Variants in EML3 observed in about 807,000 individuals in gnomAD.
EML3 encodes the protein EMAP like 3.
EML3 carries 53 observed loss-of-function variants against 106.7 expected under a neutral mutation model. The ratio of observed to expected loss-of-function variants is 0.50; its 90% CI spans 0.40 to 0.62. The LOEUF is 0.62. Ranked by LOEUF, EML3 falls within the 20% of genes least tolerant of loss-of-function variation. EML3 has a pLI of 0.00. For missense variants in EML3, 994 were observed against 1,209.1 expected, an observed-to-expected ratio of 0.82 and a Z score of 2.64; for synonymous variants, 499 against 489.6, an observed-to-expected ratio of 1.02 and a Z score of -0.25.
At position 62,605,091 on chromosome 11, in the gene EML3, G is replaced by A; in HGVS notation, c.1982+22C>T. The A allele has an allele frequency of 1.2e-6, 2 of 1,605,878 alleles. No individual in the cohort carries two copies. Among genetic ancestry groups the A allele is most frequent in the Middle Eastern group, 1.7e-4 (1 of 6,014 alleles). On this transcript the variant is annotated intron_variant, in intron 16 of 21. Coordinates refer to ENST00000394773, the MANE Select transcript of EML3 (RefSeq NM_153265.3). The surrounding 1 kb of genome is among the most constrained non-coding windows in gnomAD (Gnocchi z 5.2). Reference sequence around the variant, plus strand: ...CCCAGTCCTCCCTGCTTTCCCTCCTGGGAGTCCTGGCTCTCTCTCACCTCC... The same window carrying A: ...CCCAGTCCTCCCTGCTTTCCCTCCTAGGAGTCCTGGCTCTCTCTCACCTCC...
Position 62,611,356 on chromosome 11 carries a change from A to G in EML3, c.195-12T>C. ...GGGGGGCTGCAAGACTGCTGGAGAG[A>G]TGTTGAATTAACCTGAAGCCCCAGA... On this transcript the variant is annotated splice_polypyrimidine_tract_variant and intron_variant, in intron 2 of 21. Transcript: ENST00000394773. 1 of 1,613,182 alleles carries G rather than the reference A, an allele frequency of 6.2e-7. No individual in the cohort carries two copies.
At position 62,608,419 on chromosome 11, in the gene EML3, T is replaced by C. The variant is rs1590753997; in HGVS notation, c.1110+123A>G. The C allele has an allele frequency of 3.3e-5, 44 of 1,340,958 alleles. 1 individual carries two copies. In the South Asian group the frequency reaches 5.0e-4, roughly 15 times the overall value. 83.1% of individuals were successfully genotyped at this position (1,340,958 alleles called of 1,614,324 possible). ...CAGAAAAAGTTGACACACATGGCCC[T>C]TTCTCAAGAGAACCAGCTGGGTGGG... On this transcript the variant is annotated intron_variant, in intron 9 of 21. Transcript: ENST00000394773.
chr11:62,603,643 TTATC>T (rs1330081404), intron 19 of EML3, 82 bp downstream of exon 19: 2 of 1,171,544 alleles, frequency 1.7e-6, no homozygotes, highest in Non-Finnish European at 2.5e-6. Flanking sequence ...CTCCACTTCC[TTATC>T]TAACAACACC....
intron 10 of EML3, 45 bp downstream of exon 10, chr11:62,608,156 C>T: frequency 6.3e-7 from 1 of 1,581,710 alleles, no homozygotes; most frequent in East Asian, 2.2e-5. Flanking sequence ...TCCACCACTC[C>T]CACCCCCAAC....
Position 62,604,167 on chromosome 11 carries a change from C to CGAT in EML3, c.2014_2016dup (p.Ile672dup), listed in dbSNP as rs776574163. ...TCATTGCCATCAATGACATCAGACA[C>CGAT]GATCTCTCTGGTCTCTGTGTCCAAA... On this transcript the variant is annotated inframe_insertion, in exon 17 of 22. Transcript: ENST00000394773. 1 of 1,613,834 alleles carries CGAT rather than the reference C, an allele frequency of 6.2e-7. No individual in the cohort carries two copies. The highest frequency in any genetic ancestry group is 1.1e-5 in the South Asian group (1 of 91,044).
chr11:62,612,670 G>C lies in EML3; in HGVS notation c.-213C>G. On this transcript the variant is annotated 5_prime_UTR_variant, in exon 1 of 22. Coordinates refer to ENST00000394773, the MANE Select transcript of EML3 (RefSeq NM_153265.3). ...GTCTCCAGACCCCCCCGGGCCCTCG[G>C]ACTCTCCCGGGGCCGCTCTCGGCTC... 2.5e-6 allele frequency: 1 copy of C among 401,246 alleles called. No homozygotes were observed. Among genetic ancestry groups the C allele is most frequent in the East Asian group, 4.0e-5 (1 of 24,976 alleles). 24.9% of individuals were successfully genotyped at this position (401,246 alleles called of 1,614,324 possible). A position where few individuals can be genotyped will look rare whatever the true frequency, so the allele number is the denominator to read the frequency against.
chr11:62,610,321 T>C (rs1565065136), intron 4 of EML3, among the ~76,000 whole-genome samples: 1 of 152,160 alleles, frequency 6.6e-6, no homozygotes, highest in South Asian at 2.1e-4. Flanking sequence ...AGAATGAACA[T>C]CCGGGTGTCC....
intron 8 of EML3, 42 bp from the exon 9 acceptor site, chr11:62,608,694 G>A (rs770703099): frequency 6.2e-7 from 1 of 1,613,956 alleles, no homozygotes; most frequent in Non-Finnish European, 8.5e-7. Context: ...AAATTGGAGT[G>A]CAATTCCAGC....
chr11:62,603,367 C>A, intron 19 of EML3, 120 bp from the exon 20 acceptor site: 2 of 903,458 alleles, frequency 2.2e-6, no homozygotes, highest in South Asian at 1.5e-5. Flanking sequence ...ATCTGGTCAC[C>A]GTAGTAGCAT....
intron 16 of EML3, chr11:62,604,858 G>GT (rs1428303552): frequency 2.4e-5 from 8 of 328,946 alleles, no homozygotes; most frequent in Non-Finnish European, 4.5e-5. Flanking sequence ...CATTCCCACT[G>GT]TTTCTCTATC....
Position 62,609,001 on chromosome 11 carries a change from C to T in EML3, c.890G>A (p.Gly297Asp), listed in dbSNP as rs1336103532. ...TGTGTGCCCCCGGTAATGTCTCTGGCCGCCACCTCCAGGACCCCCTGGGCC... is the reference window on the plus strand; with the variant it reads ...TGTGTGCCCCCGGTAATGTCTCTGGTCGCCACCTCCAGGACCCCCTGGGCC... ...GGGPGGPGGG[G>D]QRHYRGHTDC... The change falls in exon 7 of 22, where the codon GGC (glycine) becomes GAC (aspartate). Residue 297 changes from glycine to aspartate, a missense_variant. By Grantham distance (94) the Gly-to-Asp change is moderately conservative (BLOSUM62 -1). Coordinates refer to ENST00000394773, the MANE Select transcript of EML3 (RefSeq NM_153265.3). 1 of 1,613,966 alleles carries T rather than the reference C, an allele frequency of 6.2e-7. No homozygotes were observed. Among genetic ancestry groups the T allele is most frequent in the Non-Finnish European group, 8.5e-7 (1 of 1,180,014 alleles).
At chr11:62,604,062 A>C (rs763537307) in intron 17 of EML3, 21 bp from the exon 18 acceptor site, 1 of 1,614,074 alleles carries the variant, frequency 6.2e-7, no homozygotes, top group Non-Finnish European at 8.5e-7. Context: ...AGTCACTCAG[A>C]GAGGGAAGGG....
chr11:62,608,050 T>C (rs1814509360), intron 10 of EML3, 151 bp downstream of exon 10: 2 of 857,768 alleles, frequency 2.3e-6, no homozygotes, highest in South Asian at 1.6e-5. Context: ...ATGTCACAAA[T>C]GAAGAAACTA....
Position 62,602,350 on chromosome 11 carries a change from C to T in EML3, c.*125G>A. The T allele has an allele frequency of 6.5e-7, 1 of 1,550,086 alleles. No individual in the cohort carries two copies. The highest frequency in any genetic ancestry group is 8.7e-7 in the Non-Finnish European group (1 of 1,146,190). ...CGTTCGCGCCCTCCAGGAAAATGCG[C>T]GATCGGGAATGTCTCGAAGTCAGTC... On this transcript the variant is annotated 3_prime_UTR_variant, in exon 22 of 22. Transcript: ENST00000394773.
chr11:62,611,540 C>G lies in EML3; in HGVS notation c.79G>C (p.Glu27Gln). The G allele has an allele frequency of 6.2e-7, 1 of 1,613,768 alleles. No homozygotes were observed. Among genetic ancestry groups the G allele is most frequent in the Non-Finnish European group, 8.5e-7 (1 of 1,179,974 alleles). The change falls in exon 2 of 22, where the codon GAG becomes CAG. Residue 27 changes from glutamate (E) to glutamine (Q), a missense_variant. By Grantham distance (29) the Glu-to-Gln change is conservative. Coordinates refer to ENST00000394773, the MANE Select transcript of EML3 (RefSeq NM_153265.3). Reference sequence around the variant, plus strand: ...GCCTTTACCAGTTCCATCTCCTGCTCCTGCACCCGAAGCCGCTGGCTCAGA... The same window carrying G: ...GCCTTTACCAGTTCCATCTCCTGCTGCTGCACCCGAAGCCGCTGGCTCAGA... The part of the protein sequence containing the change: ...QSLSQRLRVQ[E>Q]QEMELVKAAL...
Position 62,603,963 on chromosome 11 carries a change from CTGGA to C in EML3, c.2146_2149del (p.Ser716AlafsTer46). ...CCTCACCATACAGCGGCCAAAGCGG[CTGGA>C]TTTGGCACCATCACTGGAAACACTA... is the stretch of plus-strand genomic sequence containing the variant. On this transcript the variant is annotated frameshift_variant, in exon 18 of 22. Transcript: ENST00000394773. LOFTEE classifies it high-confidence loss of function. 6.2e-7 allele frequency: 1 copy of C among 1,614,112 alleles called. No homozygotes were observed. The highest frequency in any genetic ancestry group is 8.5e-7 in the Non-Finnish European group (1 of 1,180,028).
At chr11:62,608,356 G>A (rs78222742) in intron 9 of EML3, 60 bp from the exon 10 acceptor site, 145,410 of 1,510,906 alleles carry the variant, frequency 0.096, 8,245 homozygotes, top group Non-Finnish European at 0.12. Flanking sequence ...GGGGTTCATG[G>A]TCATTAGGTT....
rs1942464021 is a variant in EML3 at position 62,605,554 on chromosome 11, G to C, written c.1914+88C>G. On this transcript the variant is annotated intron_variant, in intron 15 of 21. Transcript: ENST00000394773. This position sits in a 1 kb window ranked among gnomAD's most constrained non-coding sequence, Gnocchi z 5.2. ...CAGTACAAACTGGCCACCTCTGGGA[G>C]GCAGAAGGCAAGGTGCTGGGGAAGG... 6.8e-7 allele frequency: 1 copy of C among 1,478,070 alleles called. No homozygotes were observed. The highest frequency in any genetic ancestry group is 2.3e-5 in the Admixed American group (1 of 42,692). The allele number at this position is 1,478,070 out of a possible 1,614,324, so 91.6% of individuals were successfully genotyped here.
rs1942583594 is a variant in EML3 at position 62,607,351 on chromosome 11, G to C, written c.1363-252C>G. ...AAAAAAACAAAAAAAAAACGGGCAT[G>C]ATGGCCAACATGATGAAACCGTATC... is the stretch of plus-strand genomic sequence containing the variant. On this transcript the variant is annotated intron_variant, in intron 11 of 21. Transcript: ENST00000394773. 1.1e-5 allele frequency: 5 copies of C among 456,424 alleles called. No individual in the cohort carries two copies. The South Asian group carries it at 1.9e-4, about 18-fold the overall frequency. 28.3% of individuals were successfully genotyped at this position (456,424 alleles called of 1,614,324 possible). A position where few individuals can be genotyped will look rare whatever the true frequency, so the allele number is the denominator to read the frequency against.
Sources: gnomAD v4.1 joint callset for allele counts (sites outside exome capture counted in the v4.1 genomes callset) on GRCh38, gnomAD v4.1.1 for gene constraint, Gnocchi (gnomAD v3.1) non-coding constraint, MANE v1.5 for transcripts, NCBI Gene and HGNC (gene_info 2026-07-23, HGNC 2026-07-21) for gene names.